The following CFAP299 variants were observed in gnomAD, a reference collection of about 807,000 sequenced individuals.
The protein encoded by CFAP299 is cilia and flagella associated protein 299, also known as cilia- and flagella-associated protein 299.
CFAP299 carries 21 observed loss-of-function variants against 27.0 expected under a neutral mutation model. That is an observed-to-expected ratio of 0.78 (90% CI 0.55 to 1.12). The LOEUF (loss-of-function observed/expected upper bound fraction) is 1.12. Ranked by LOEUF, CFAP299 falls within the 50% of genes most tolerant of loss-of-function variation. The pLI is 0.00. For missense variants in CFAP299, 310 were observed against 276.6 expected, an observed-to-expected ratio of 1.12 and a Z score of -0.86; for synonymous variants, 104 against 98.1, an observed-to-expected ratio of 1.06 and a Z score of -0.36.
chr4:80,835,296 C>A (rs1378397510), intron 3 of CFAP299, among the ~76,000 whole-genome samples: 1 of 151,988 alleles, frequency 6.6e-6, no homozygotes, highest in Admixed American at 6.6e-5. Flanking sequence ...GACGGGGTTT[C>A]ACCATGTTAG....
chr4:80,903,565 T>A (rs986293809), intron 4 of CFAP299, among the ~76,000 whole-genome samples: 2 of 152,084 alleles, frequency 1.3e-5, no homozygotes, highest in Admixed American at 6.5e-5. Context: ...TATTATTATT[T>A]GGATTTTTGT....
intron 2 of CFAP299, among the ~76,000 whole-genome samples, chr4:80,424,815 A>G (rs1033931450): frequency 2.0e-5 from 3 of 152,208 alleles, no homozygotes; most frequent in Admixed American, 2.0e-4. Context: ...TCTACCCATT[A>G]TATTAAACTG....
intron 2 of CFAP299, among the ~76,000 whole-genome samples, chr4:80,566,539 C>G (rs1055172954): frequency 6.6e-6 from 1 of 152,048 alleles, no homozygotes; most frequent in African/African-American, 2.4e-5. Flanking sequence ...ATTAGAAAAA[C>G]TCAGAGACTA....
intron 3 of CFAP299, among the ~76,000 whole-genome samples, chr4:80,864,536 G>A (rs1003614404): frequency 4.1e-5 from 6 of 144,620 alleles, no homozygotes; most frequent in South Asian, 2.2e-4. Context: ...ATACATATAC[G>A]TATATATAGG....
At chr4:80,845,778 T>G (rs1382303040) in intron 3 of CFAP299, among the ~76,000 whole-genome samples, 2 of 152,182 alleles carry the variant, frequency 1.3e-5, no homozygotes, top group Non-Finnish European at 2.9e-5. Flanking sequence ...CAAAATAATT[T>G]TTATGTGATT....
intron 3 of CFAP299, among the ~76,000 whole-genome samples, chr4:80,677,679 T>C (rs1194594114): frequency 6.6e-6 from 1 of 152,070 alleles, no homozygotes; most frequent in Non-Finnish European, 1.5e-5. Flanking sequence ...AAATATCTAG[T>C]GCAAACTTAT....
At chr4:80,531,102 A>G (rs1733440643) in intron 2 of CFAP299, among the ~76,000 whole-genome samples, 1 of 152,222 alleles carries the variant, frequency 6.6e-6, no homozygotes, top group African/African-American at 2.4e-5. Context: ...AGGAAGATCA[A>G]TTAAAAGACT....
intron 3 of CFAP299, among the ~76,000 whole-genome samples, chr4:80,614,691 G>A (rs1029988981): frequency 6.6e-6 from 1 of 151,876 alleles, no homozygotes; most frequent in Non-Finnish European, 1.5e-5. Context: ...GACAGATTAA[G>A]TACTAACAAT....
intron 3 of CFAP299, among the ~76,000 whole-genome samples, chr4:80,681,417 G>C (rs1024572177): frequency 6.8e-6 from 1 of 146,362 alleles, no homozygotes; most frequent in East Asian, 2.1e-4. Context: ...CTAGAAGTTA[G>C]TGCCAGAGGC....
intron 1 of CFAP299, among the ~76,000 whole-genome samples, chr4:80,355,720 A>G (rs1205896093): frequency 6.6e-6 from 1 of 151,542 alleles, no homozygotes; most frequent in Non-Finnish European, 1.5e-5. Flanking sequence ...ATTTGCAAAA[A>G]TTTTCTCCTA....
chr4:80,384,687 A>G (rs1407014022), intron 2 of CFAP299, among the ~76,000 whole-genome samples: 1 of 152,148 alleles, frequency 6.6e-6, no homozygotes, highest in African/African-American at 2.4e-5. Context: ...GTTCCGAAAA[A>G]TTAGTACATG....
At chr4:80,900,782 G>A (rs1429031128) in intron 4 of CFAP299, among the ~76,000 whole-genome samples, 1 of 151,488 alleles carries the variant, frequency 6.6e-6, no homozygotes, top group Non-Finnish European at 1.5e-5. Flanking sequence ...AACAGGGCTG[G>A]GATTTGAAAT....
At chr4:80,660,659 C>T (rs1202188858) in intron 3 of CFAP299, among the ~76,000 whole-genome samples, 1 of 152,042 alleles carries the variant, frequency 6.6e-6, no homozygotes, top group Non-Finnish European at 1.5e-5. Context: ...CTGGATTTTG[C>T]CTTTGGTTTC....
Position 80,566,476 on chromosome 4 carries a change from C to T in CFAP299, c.243-16617C>T, listed in dbSNP as rs139962745. Among the ~76,000 whole-genome samples the T allele has an allele frequency of 1.4e-3, 217 of 152,058 alleles. 1 individual carries two copies. Among genetic ancestry groups the T allele is most frequent in the African/African-American group, 5.1e-3 (211 of 41,516 alleles). ...CTCTGACTGTTTTCCTCTGGTAAAGCGTTGCCCCCATTTTACCACAGTTTC... is the reference window on the plus strand; with the variant it reads ...CTCTGACTGTTTTCCTCTGGTAAAGTGTTGCCCCCATTTTACCACAGTTTC... On this transcript the variant is annotated intron_variant, in intron 2 of 5. Transcript: ENST00000358105.
intron 2 of CFAP299, among the ~76,000 whole-genome samples, chr4:80,444,601 T>A (rs1728523135): frequency 6.6e-6 from 1 of 152,158 alleles, no homozygotes; most frequent in Admixed American, 6.6e-5. Flanking sequence ...GGCAATACTA[T>A]TCAGGACTTA....
At chr4:80,844,201 C>T (rs1187699252) in intron 3 of CFAP299, among the ~76,000 whole-genome samples, 1 of 152,074 alleles carries the variant, frequency 6.6e-6, no homozygotes, top group Non-Finnish European at 1.5e-5. Flanking sequence ...GTGAATAGTG[C>T]CACAATAAAC....
In CFAP299 at chr4:80,749,844, C is replaced by T. The variant is rs1007749131; in HGVS notation, c.334-120149C>T. 7.2e-5 allele frequency among the ~76,000 whole-genome samples: 11 copies of T among 152,316 alleles called. No homozygotes were observed. In the East Asian group the frequency reaches 1.9e-3, roughly 27 times the overall value. On this transcript the variant is annotated intron_variant, in intron 3 of 5. Transcript: ENST00000358105. ...GAGTCTGCCTCTCCCAGTCCACTGACTTAAATGTTAATCTCCTTTGGCAAC... is the reference window on the plus strand; with the variant it reads ...GAGTCTGCCTCTCCCAGTCCACTGATTTAAATGTTAATCTCCTTTGGCAAC...
chr4:80,794,316 T>C lies in CFAP299; in HGVS notation c.334-75677T>C, dbSNP rs77068608. ...ACCTCTAGGCCAGCAGAATGTAATGTTGTAGGAAAAGGAAGCAAAAATTTT... is the reference window on the plus strand; with the variant it reads ...ACCTCTAGGCCAGCAGAATGTAATGCTGTAGGAAAAGGAAGCAAAAATTTT... On this transcript the variant is annotated intron_variant, in intron 3 of 5. Coordinates refer to ENST00000358105, the MANE Select transcript of CFAP299 (RefSeq NM_152770.3). Among the ~76,000 whole-genome samples, 1,310 of 152,218 alleles carry C rather than the reference T, an allele frequency of 8.6e-3. 17 individuals are homozygous for C. The highest frequency in any genetic ancestry group is 0.03 in the African/African-American group (1,237 of 41,542).
intron 2 of CFAP299, among the ~76,000 whole-genome samples, chr4:80,517,889 A>T (rs1259489033): frequency 2.6e-5 from 4 of 152,200 alleles, no homozygotes; most frequent in Non-Finnish European, 5.9e-5. Context: ...TAAAGTGGAG[A>T]CACAGGTAGG....
Sources: allele counts gnomAD v4.1 joint callset (sites outside exome capture counted in the v4.1 genomes callset), GRCh38; gene constraint gnomAD v4.1.1; transcripts MANE v1.5; gene names NCBI Gene and HGNC (gene_info 2026-07-23, HGNC 2026-07-21).